TRAK1: variants seen among roughly 807,000 people sequenced by gnomAD.
TRAK1 encodes trafficking kinesin-binding protein 1.
TRAK1 carries 33 observed loss-of-function variants against 92.1 expected under a neutral mutation model. The observed-to-expected ratio is 0.36, with a 90% CI of 0.27 to 0.48. The LOEUF is 0.48. TRAK1 is among the 20% of genes least tolerant of loss of function. The pLI, the probability that TRAK1 is intolerant of heterozygous loss-of-function variation, is 0.99. For synonymous variants in TRAK1, 521 were observed against 517.3 expected (o/e 1.01, Z -0.10); for missense variants, 1,123 against 1,257.9 (o/e 0.89, Z 1.62).
chr3:42,147,951 G>C (rs1162252583), intron 2 of TRAK1, among the ~76,000 whole-genome samples: 1 of 152,036 alleles, frequency 6.6e-6, no homozygotes, highest in Non-Finnish European at 1.5e-5. Context: ...CTCTATATAA[G>C]ATGTGTGTGT....
At chr3:42,045,557 C>T (rs1332525357) in intron 1 of TRAK1, among the ~76,000 whole-genome samples, 2 of 152,096 alleles carry the variant, frequency 1.3e-5, no homozygotes, top group Non-Finnish European at 2.9e-5. Flanking sequence ...AAAACATAAA[C>T]CCATTGTTCT....
intron 1 of TRAK1, among the ~76,000 whole-genome samples, chr3:42,044,698 G>T (rs1396723671): frequency 6.6e-6 from 1 of 152,192 alleles, no homozygotes; most frequent in African/African-American, 2.4e-5. Context: ...TCTGCATGGG[G>T]AGAAGGGGAG....
At chr3:42,027,676 G>A (rs1251422734) in intron 1 of TRAK1, among the ~76,000 whole-genome samples, 5 of 151,996 alleles carry the variant, frequency 3.3e-5, no homozygotes, top group African/African-American at 1.2e-4. Context: ...ATACAGTGAG[G>A]CCAGTATGAG....
intron 4 of TRAK1, 65 bp downstream of exon 4, chr3:42,184,866 C>A (rs2149395393): frequency 1.4e-6 from 2 of 1,478,418 alleles, no homozygotes; most frequent in Non-Finnish European, 9.4e-7. Context: ...GGAGGCATGG[C>A]TGAAGGAGAT....
chr3:42,054,552 A>T (rs965347672), intron 1 of TRAK1, among the ~76,000 whole-genome samples: 1 of 152,186 alleles, frequency 6.6e-6, no homozygotes, highest in African/African-American at 2.4e-5. Flanking sequence ...TCACATTTCT[A>T]CCTAGCCTGG....
At chr3:42,161,228 C>G (rs769801042) in intron 2 of TRAK1, among the ~76,000 whole-genome samples, 2 of 152,194 alleles carry the variant, frequency 1.3e-5, no homozygotes, top group Non-Finnish European at 2.9e-5. Flanking sequence ...AGGGCTTTCA[C>G]CCACAGCCCA....
chr3:42,174,010 A>G (rs148430670), intron 2 of TRAK1, among the ~76,000 whole-genome samples: 1 of 152,278 alleles, frequency 6.6e-6, no homozygotes, highest in East Asian at 1.9e-4. Flanking sequence ...TACCCCTTAT[A>G]GTATTGCTCT....
chr3:42,098,200 G>C (rs12054017), intron 1 of TRAK1, among the ~76,000 whole-genome samples: 78,266 of 151,500 alleles, frequency 0.52, 21,496 homozygotes, highest in South Asian at 0.68. Flanking sequence ...CCTCTTCCTT[G>C]AAGAAACAAT....
At chr3:42,021,048 A>G (rs1283792733) in intron 1 of TRAK1, among the ~76,000 whole-genome samples, 11 of 152,236 alleles carry the variant, frequency 7.2e-5, no homozygotes, top group Non-Finnish European at 1.6e-4. Flanking sequence ...GGCAAGCTTT[A>G]TACTGGAGAA....
At chr3:42,075,520 C>T (rs72867959) in intron 1 of TRAK1, among the ~76,000 whole-genome samples, 2,017 of 152,114 alleles carry the variant, frequency 0.013, 38 homozygotes, top group African/African-American at 0.045. Flanking sequence ...GGGATTGTTG[C>T]GTTGAATGGT....
intron 1 of TRAK1, among the ~76,000 whole-genome samples, chr3:42,042,167 T>TCCTCCCACCTTGA: frequency 6.6e-6 from 1 of 152,100 alleles, no homozygotes; most frequent in South Asian, 2.1e-4. Context: ...CTTCAGGTGA[T>TCCTCCCACCTTGA]CCTCCCACCT....
chr3:42,160,880 T>A (rs1211781229), intron 2 of TRAK1, among the ~76,000 whole-genome samples: 1 of 152,232 alleles, frequency 6.6e-6, no homozygotes, highest in Non-Finnish European at 1.5e-5. Context: ...CTAATTTTTT[T>A]TTGTGCATGG....
intron 1 of TRAK1, among the ~76,000 whole-genome samples, chr3:42,119,801 A>G (rs943736669): frequency 8.5e-5 from 13 of 152,184 alleles, no homozygotes; most frequent in Admixed American, 2.0e-4. Flanking sequence ...GCCCAGCCAC[A>G]TCTTGGGGGT....
intron 1 of TRAK1, among the ~76,000 whole-genome samples, chr3:42,060,794 A>AT (rs113952524): frequency 1.2e-4 from 18 of 151,336 alleles, no homozygotes; most frequent in Admixed American, 2.0e-4. Context: ...CTCCTGGCTG[A>AT]TTTTTTTTAT....
At position 42,134,119 on chromosome 3, in the gene TRAK1, C is replaced by T. The variant is rs147813208; in HGVS notation, c.286+8505C>T. On this transcript the variant is annotated intron_variant, in intron 2 of 15. Transcript: ENST00000327628. Reference sequence around the variant, plus strand: ...GCACATGAGACAGTGGTCAGCTGGTCGGCAGTATCAGCAGGCTGTGGGCCT... The same window carrying T: ...GCACATGAGACAGTGGTCAGCTGGTTGGCAGTATCAGCAGGCTGTGGGCCT... 5.8e-3 allele frequency among the ~76,000 whole-genome samples: 875 copies of T among 151,994 alleles called. 10 individuals carry two copies. Among genetic ancestry groups the T allele is most frequent in the African/African-American group, 0.02 (840 of 41,440 alleles).
intron 1 of TRAK1, among the ~76,000 whole-genome samples, chr3:42,063,556 C>G (rs1703541444): frequency 1.3e-5 from 2 of 152,088 alleles, no homozygotes; most frequent in African/African-American, 4.8e-5. Context: ...CCTGGTGGGA[C>G]ACGCCTGTAG....
chr3:42,199,048 T>A, intron 10 of TRAK1, 129 bp from the exon 11 acceptor site: 1 of 866,754 alleles, frequency 1.2e-6, no homozygotes, highest in Non-Finnish European at 1.8e-6. Context: ...TAAGTTTGTG[T>A]TGTGGGAAGA....
At chr3:42,196,436 C>G (rs551722704) in intron 10 of TRAK1, among the ~76,000 whole-genome samples, 1 of 152,226 alleles carries the variant, frequency 6.6e-6, no homozygotes, top group Admixed American at 6.5e-5. Context: ...TATTTCCTTC[C>G]TGTATGAAGG....
intron 1 of TRAK1, among the ~76,000 whole-genome samples, chr3:42,062,457 A>AT (rs1289896660): frequency 6.6e-6 from 1 of 152,166 alleles, no homozygotes; most frequent in Non-Finnish European, 1.5e-5. Context: ...CTTGGAGACT[A>AT]TTTTTTAACA....
Sources: gnomAD v4.1 joint callset for allele counts (sites outside exome capture counted in the v4.1 genomes callset) on GRCh38, gnomAD v4.1.1 for gene constraint, MANE v1.5 for transcripts, NCBI Gene and HGNC (gene_info 2026-07-23, HGNC 2026-07-21) for gene names.